PDS5B: variants seen among roughly 807,000 people sequenced by gnomAD.
PDS5B encodes sister chromatid cohesion protein PDS5 homolog B.
A neutral mutation model predicts 184.1 loss-of-function variants in PDS5B; 51 were observed. The ratio of observed to expected loss-of-function variants is 0.28; its 90% CI spans 0.22 to 0.35. The LOEUF (loss-of-function observed/expected upper bound fraction) is 0.35, where lower values mean the gene tolerates loss of function less well. Among genes scored for constraint, PDS5B ranks in the 10% least tolerant of loss-of-function variants. The pLI is 1.00. For missense variants in PDS5B, 1,180 were observed against 1,723.3 expected, an observed-to-expected ratio of 0.68 and a Z score of 5.58; for synonymous variants, 566 against 569.2, an observed-to-expected ratio of 0.99 and a Z score of 0.08.
At chr13:32,742,315 A>G (rs1460741556) in intron 22 of PDS5B, among the ~76,000 whole-genome samples, 3 of 152,166 alleles carry the variant, frequency 2.0e-5, no homozygotes, top group Non-Finnish European at 4.4e-5. Flanking sequence ...GTTAAGCATG[A>G]TTTTACTGTA....
intron 1 of PDS5B, among the ~76,000 whole-genome samples, chr13:32,639,392 C>G (rs1360945085): frequency 6.6e-6 from 1 of 152,172 alleles, no homozygotes; most frequent in African/African-American, 2.4e-5. Context: ...TTCACCGTCA[C>G]TGTTTTACCA....
At chr13:32,717,714 A>G (rs1020810198) in intron 19 of PDS5B, among the ~76,000 whole-genome samples, 1 of 145,644 alleles carries the variant, frequency 6.9e-6, no homozygotes, top group African/African-American at 2.6e-5. Context: ...AAATAAATCA[A>G]TAAATTAAAA....
intron 6 of PDS5B, among the ~76,000 whole-genome samples, chr13:32,660,569 CTG>C (rs1950616139): frequency 6.6e-6 from 1 of 152,222 alleles, no homozygotes; most frequent in Admixed American, 6.5e-5. Context: ...CACTTGTCAA[CTG>C]TGCCAAGACA....
intron 19 of PDS5B, among the ~76,000 whole-genome samples, chr13:32,718,502 T>G (rs773238713): frequency 6.6e-6 from 1 of 152,150 alleles, no homozygotes; most frequent in Non-Finnish European, 1.5e-5. Flanking sequence ...ATCCGTACCT[T>G]CATAACATAA....
chr13:32,681,167 C>T (rs529513127), intron 10 of PDS5B, among the ~76,000 whole-genome samples: 31 of 152,302 alleles, frequency 2.0e-4, no homozygotes, highest in African/African-American at 6.7e-4. Flanking sequence ...TTAACTTCTA[C>T]TCACTGTTGT....
chr13:32,651,750 T>C, intron 2 of PDS5B, 54 bp from the exon 3 acceptor site: 1 of 1,065,278 alleles, frequency 9.4e-7, no homozygotes. Flanking sequence ...TTATTTCACA[T>C]GACTGTAGTT....
chr13:32,744,620 A>G lies in PDS5B; in HGVS notation c.2613-1357A>G, dbSNP rs186702943. On this transcript the variant is annotated intron_variant, in intron 23 of 34. Transcript: ENST00000315596. ...ATGGGAAATTTTAAGGATAGATAAC[A>G]CAGGAAGCATCTGTTATCCATATCT... is the stretch of plus-strand genomic sequence containing the variant. 1.5e-3 allele frequency among the ~76,000 whole-genome samples: 224 copies of G among 152,298 alleles called. 1 individual carries two copies. The highest frequency in any genetic ancestry group is 4.9e-3 in the African/African-American group (203 of 41,584).
At chr13:32,743,001 C>T (rs932826752) in intron 23 of PDS5B, among the ~76,000 whole-genome samples, 4 of 149,892 alleles carry the variant, frequency 2.7e-5, no homozygotes, top group Non-Finnish European at 5.9e-5. Context: ...GTGTACCAGT[C>T]AATAACTGAT....
At chr13:32,655,397 T>TTTTTTTTTTTA (rs1950488342) in intron 3 of PDS5B, among the ~76,000 whole-genome samples, 1 of 133,890 alleles carries the variant, frequency 7.5e-6, no homozygotes, top group African/African-American at 2.8e-5. Flanking sequence ...TTTTTTTTTT[T>TTTTTTTTTTTA]AGATGGAGTT....
chr13:32,661,626 T>C (rs1950651004), intron 6 of PDS5B, among the ~76,000 whole-genome samples: 1 of 151,978 alleles, frequency 6.6e-6, no homozygotes, highest in Non-Finnish European at 1.5e-5. Flanking sequence ...GCTTGAAATA[T>C]TCCAGAATTG....
At chr13:32,766,418 T>G (rs1357665421) in intron 31 of PDS5B, among the ~76,000 whole-genome samples, 1 of 152,228 alleles carries the variant, frequency 6.6e-6, no homozygotes, top group Non-Finnish European at 1.5e-5. Context: ...AGTATGATTG[T>G]AATGGAGGCC....
intron 1 of PDS5B, among the ~76,000 whole-genome samples, chr13:32,639,218 T>A (rs892301522): frequency 2.6e-5 from 4 of 152,184 alleles, no homozygotes; most frequent in Admixed American, 1.3e-4. Flanking sequence ...GGCCTGGGGC[T>A]CCTTTTCTGT....
At position 32,732,104 on chromosome 13, in the gene PDS5B, C is replaced by T. The variant is rs781447798; in HGVS notation, c.2127C>T (p.Ala709=). 37 of 1,606,578 alleles carry T rather than the reference C, an allele frequency of 2.3e-5. No homozygotes were observed. The South Asian group carries it at 3.7e-4, about 16-fold the overall frequency. ...IEEDFPHIRS[A]LLPVLHHKSK... ...TTCTTTGATTTTTTTTTAATAGAGC[C>T]TTGCTTCCTGTTTTACATCACAAAT... The change falls in exon 20 of 35, where the codon GCC becomes GCT. Residue 709 remains alanine, a synonymous_variant. Transcript: ENST00000315596.
intron 11 of PDS5B, among the ~76,000 whole-genome samples, chr13:32,684,719 G>A (rs1008323408): frequency 3.3e-5 from 5 of 152,208 alleles, no homozygotes; most frequent in African/African-American, 1.2e-4. Flanking sequence ...AGTAATTTTG[G>A]TGAAGGATGA....
chr13:32,752,174 T>C (rs1954008607), intron 24 of PDS5B, among the ~76,000 whole-genome samples: 1 of 152,206 alleles, frequency 6.6e-6, no homozygotes, highest in Non-Finnish European at 1.5e-5. Flanking sequence ...GTAAGATATT[T>C]TAAGAACAAG....
chr13:32,694,422 G>C, intron 14 of PDS5B, 118 bp downstream of exon 14: 1 of 705,164 alleles, frequency 1.4e-6, no homozygotes, highest in Non-Finnish European at 2.5e-6. Context: ...GATTGTAGAA[G>C]TTAGGATTCC....
rs1220506496 is a variant in PDS5B, at chr13:32,775,597, C to T, written c.*545C>T. On this transcript the variant is annotated 3_prime_UTR_variant, in exon 35 of 35. Transcript: ENST00000315596. ...TGTGTATCTTACCTAGTGTTTACTCCTGGGCACCCTTAATCTTCAGAGGTG... is the reference window on the plus strand; with the variant it reads ...TGTGTATCTTACCTAGTGTTTACTCTTGGGCACCCTTAATCTTCAGAGGTG... 2.2e-6 allele frequency: 1 copy of T among 455,076 alleles called. No individual in the cohort carries two copies. Among genetic ancestry groups the T allele is most frequent in the Non-Finnish European group, 4.4e-6 (1 of 226,214 alleles). 28.2% of individuals were successfully genotyped at this position (455,076 alleles called of 1,614,324 possible). A position where few individuals can be genotyped will look rare whatever the true frequency, so the allele number is the denominator to read the frequency against.
At chr13:32,661,017 G>A (rs1472376762) in intron 6 of PDS5B, among the ~76,000 whole-genome samples, 1 of 152,058 alleles carries the variant, frequency 6.6e-6, no homozygotes, top group African/African-American at 2.4e-5. Flanking sequence ...ACTCTTGAAA[G>A]GAGTAATGAT....
chr13:32,615,216 T>C (rs776241588), intron 1 of PDS5B, among the ~76,000 whole-genome samples: 3 of 152,350 alleles, frequency 2.0e-5, no homozygotes, highest in South Asian at 4.1e-4. Context: ...ATCTGACTTA[T>C]TTTGTTCAAC....
Sources: gnomAD v4.1 joint callset for allele counts (sites outside exome capture counted in the v4.1 genomes callset) on GRCh38, gnomAD v4.1.1 for gene constraint, MANE v1.5 for transcripts, NCBI Gene and HGNC (gene_info 2026-07-23, HGNC 2026-07-21) for gene names.